The following KCNB2 variants were observed in gnomAD, a reference collection of about 807,000 sequenced individuals.
KCNB2 encodes potassium voltage-gated channel subfamily B member 2, also known as delayed rectifier potassium channel protein.
Under a neutral mutation model 61.5 loss-of-function variants are expected in KCNB2, and 15 were observed. The observed-to-expected ratio is 0.24, with a 90% CI of 0.16 to 0.38. KCNB2 has a LOEUF of 0.38. Ranked by LOEUF, KCNB2 falls within the 10% of genes least tolerant of loss-of-function variation. The pLI is 1.00. For missense variants in KCNB2, 828 were observed against 1,125.2 expected, an observed-to-expected ratio of 0.74 and a Z score of 3.78; for synonymous variants, 457 against 446.0, an observed-to-expected ratio of 1.02 and a Z score of -0.31.
At chr8:72,843,204 A>G (rs1809925354) in intron 2 of KCNB2, among the ~76,000 whole-genome samples, 1 of 152,188 alleles carries the variant, frequency 6.6e-6, no homozygotes, top group Non-Finnish European at 1.5e-5. Flanking sequence ...CCCAGTAATC[A>G]TCCAGGAGCA....
At chr8:72,765,797 A>C (rs191542555) in intron 2 of KCNB2, among the ~76,000 whole-genome samples, 1 of 152,336 alleles carries the variant, frequency 6.6e-6, no homozygotes, top group East Asian at 1.9e-4. Flanking sequence ...CCATAGCCCC[A>C]GACTTTCTAA....
intron 2 of KCNB2, among the ~76,000 whole-genome samples, chr8:72,909,392 G>A (rs1806240848): frequency 6.6e-6 from 1 of 152,124 alleles, no homozygotes; most frequent in African/African-American, 2.4e-5. Flanking sequence ...GAGGAAGGGA[G>A]AGGGATTCTG....
chr8:72,929,283 G>T (rs993025045), intron 2 of KCNB2, among the ~76,000 whole-genome samples: 1 of 152,100 alleles, frequency 6.6e-6, no homozygotes, highest in African/African-American at 2.4e-5. Context: ...GCAAGTCTCC[G>T]GCTGCTTTAC....
At chr8:72,790,530 G>T (rs115000827) in intron 2 of KCNB2, among the ~76,000 whole-genome samples, 1 of 152,232 alleles carries the variant, frequency 6.6e-6, no homozygotes, top group African/African-American at 2.4e-5. Flanking sequence ...GATTATAGTG[G>T]GTAATGGGAG....
rs1809197672 is a variant in KCNB2 at position 72,805,134 on chromosome 8, C to A, written c.580-130801C>A. 2.6e-5 allele frequency among the ~76,000 whole-genome samples: 4 copies of A among 152,258 alleles called. No individual in the cohort carries two copies. The South Asian group carries it at 8.3e-4, about 32-fold the overall frequency. The stretch of plus-strand genomic sequence containing the variant: ...GATAATTCTGAGGATCATGTGCGTT[C>A]ATACACACGAAGTGCTCAGAGCCGT... On this transcript the variant is annotated intron_variant, in intron 2 of 2. Coordinates refer to ENST00000523207, the MANE Select transcript of KCNB2 (RefSeq NM_004770.3).
chr8:72,675,604 C>G (rs1335334609), intron 2 of KCNB2, among the ~76,000 whole-genome samples: 1 of 151,828 alleles, frequency 6.6e-6, no homozygotes, highest in African/African-American at 2.4e-5. Context: ...CCTCCGCTTC[C>G]TGGGTTCAGC....
intron 2 of KCNB2, among the ~76,000 whole-genome samples, chr8:72,685,566 C>A (rs1439707143): frequency 6.6e-6 from 1 of 152,068 alleles, no homozygotes; most frequent in Non-Finnish European, 1.5e-5. Flanking sequence ...GAACGAGTAA[C>A]AAGCCTACCT....
In KCNB2 at chr8:72,696,015, A is replaced by G. The variant is rs113592704; in HGVS notation, c.579+127702A>G. Reference sequence around the variant, plus strand: ...CTGTAGCCCATGAACCGCACTGAGAAAGTGATTTTCCTAAAGCGATTTAGT... The same window carrying G: ...CTGTAGCCCATGAACCGCACTGAGAGAGTGATTTTCCTAAAGCGATTTAGT... On this transcript the variant is annotated intron_variant, in intron 2 of 2. Coordinates refer to ENST00000523207, the MANE Select transcript of KCNB2 (RefSeq NM_004770.3). Among the ~76,000 whole-genome samples, 453 of 152,298 alleles carry G rather than the reference A, an allele frequency of 3.0e-3. 2 individuals carry two copies. Among genetic ancestry groups the G allele is most frequent in the African/African-American group, 0.01 (431 of 41,568 alleles).
At chr8:72,772,987 G>A (rs1808585224) in intron 2 of KCNB2, among the ~76,000 whole-genome samples, 1 of 152,140 alleles carries the variant, frequency 6.6e-6, no homozygotes, top group Non-Finnish European at 1.5e-5. Context: ...GCTTAAAATG[G>A]CCAAGGGTCA....
chr8:72,902,447 T>C (rs369445830), intron 2 of KCNB2, among the ~76,000 whole-genome samples: 1 of 152,018 alleles, frequency 6.6e-6, no homozygotes, highest in Non-Finnish European at 1.5e-5. Context: ...GGGAAATGGA[T>C]GTGGACAGAT....
chr8:72,662,179 G>A (rs1375517062), intron 2 of KCNB2, among the ~76,000 whole-genome samples: 5 of 152,110 alleles, frequency 3.3e-5, no homozygotes, highest in African/African-American at 7.2e-5. Flanking sequence ...TGGTCTCAGG[G>A]CTCTGGCAGC....
At chr8:72,756,223 G>T (rs1201842970) in intron 2 of KCNB2, among the ~76,000 whole-genome samples, 1 of 152,196 alleles carries the variant, frequency 6.6e-6, no homozygotes, top group African/African-American at 2.4e-5. Context: ...AGGCTAGTGA[G>T]TTGCTAGGAG....
chr8:72,810,214 G>C (rs1809284880), intron 2 of KCNB2, among the ~76,000 whole-genome samples: 2 of 152,360 alleles, frequency 1.3e-5, no homozygotes, highest in South Asian at 4.1e-4. Flanking sequence ...TCAGCACCAA[G>C]TGGACAGAGG....
At chr8:72,772,575 T>G (rs1808578771) in intron 2 of KCNB2, among the ~76,000 whole-genome samples, 1 of 152,130 alleles carries the variant, frequency 6.6e-6, no homozygotes, top group South Asian at 2.1e-4. Flanking sequence ...TCCCCACCCT[T>G]TCTATTTGGA....
chr8:72,868,817 C>T (rs2129004596), intron 2 of KCNB2, among the ~76,000 whole-genome samples: 1 of 152,250 alleles, frequency 6.6e-6, no homozygotes, highest in African/African-American at 2.4e-5. Flanking sequence ...ATCAGAAGGG[C>T]ACGTGTGGGC....
chr8:72,665,310 G>A (rs867277975), intron 2 of KCNB2, among the ~76,000 whole-genome samples: 3 of 152,154 alleles, frequency 2.0e-5, no homozygotes, highest in Non-Finnish European at 2.9e-5. Flanking sequence ...AAAAAACAAG[G>A]AGGTCTCCAA....
intron 2 of KCNB2, among the ~76,000 whole-genome samples, chr8:72,613,668 C>T (rs953748769): frequency 6.6e-6 from 1 of 152,170 alleles, no homozygotes; most frequent in South Asian, 2.1e-4. Context: ...TCTTTCCTAG[C>T]CACTCAGGGG....
At chr8:72,870,817 A>G (rs1436338226) in intron 2 of KCNB2, among the ~76,000 whole-genome samples, 1 of 152,174 alleles carries the variant, frequency 6.6e-6, no homozygotes, top group Non-Finnish European at 1.5e-5. Flanking sequence ...ATCTCTATAA[A>G]AATACAAAAA....
intron 2 of KCNB2, among the ~76,000 whole-genome samples, chr8:72,732,488 A>G (rs946550905): frequency 6.6e-6 from 1 of 152,212 alleles, no homozygotes; most frequent in Non-Finnish European, 1.5e-5. Flanking sequence ...GAACATTTAG[A>G]CATTGCAAGA....
Sources: gnomAD v4.1 joint callset for allele counts (sites outside exome capture counted in the v4.1 genomes callset) on GRCh38, gnomAD v4.1.1 for gene constraint, MANE v1.5 for transcripts, NCBI Gene and HGNC (gene_info 2026-07-23, HGNC 2026-07-21) for gene names.